NHS: variants seen among roughly 807,000 people sequenced by gnomAD.
NHS encodes the protein NHS actin remodeling regulator.
In NHS, 5 loss-of-function variants were observed where a neutral mutation model predicts 72.5. That is an observed-to-expected ratio of 0.07 (90% CI 0.04 to 0.14). The LOEUF is 0.14. NHS is among the 10% of genes least tolerant of loss of function. The pLI is 1.00. For synonymous variants in NHS, 464 were observed against 547.7 expected, an observed-to-expected ratio of 0.85 and a Z score of 2.13; for missense variants, 1,072 against 1,355.7, an observed-to-expected ratio of 0.79 and a Z score of 3.29.
chrX:17,385,276 G>A (rs1423822826), intron 1 of NHS, among the ~76,000 whole-genome samples: 1 of 111,853 alleles, frequency 8.9e-6, no homozygotes, highest in African/African-American at 3.3e-5. Flanking sequence ...AATTCTGGGA[G>A]GCCAAGGTGG....
intron 1 of NHS, among the ~76,000 whole-genome samples, chrX:17,436,093 T>G (rs2146879234): frequency 8.9e-6 from 1 of 112,329 alleles, no homozygotes; most frequent in East Asian, 2.8e-4. Flanking sequence ...AACCTTATGG[T>G]TTTATCATTC....
chrX:17,398,513 A>G (rs981714622), intron 1 of NHS, among the ~76,000 whole-genome samples: 2 of 112,478 alleles, frequency 1.8e-5, no homozygotes, highest in African/African-American at 6.5e-5. Flanking sequence ...CCTAAAAATC[A>G]GTGGCTTTAA....
chrX:17,697,382 A>C (rs1258167251), intron 3 of NHS, among the ~76,000 whole-genome samples: 1 of 112,148 alleles, frequency 8.9e-6, no homozygotes, highest in Non-Finnish European at 1.9e-5. Flanking sequence ...TGTGAAACAC[A>C]CCAAAGCCAC....
chrX:17,671,945 G>A (rs1469248390), intron 1 of NHS, among the ~76,000 whole-genome samples: 1 of 111,984 alleles, frequency 8.9e-6, no homozygotes, highest in Non-Finnish European at 1.9e-5. Context: ...AGATACCAAA[G>A]CACTGGAAGG....
chrX:17,669,246 G>A (rs1000957620), intron 1 of NHS, among the ~76,000 whole-genome samples: 1 of 112,037 alleles, frequency 8.9e-6, no homozygotes, highest in African/African-American at 3.2e-5. Context: ...TGCCTCAGAC[G>A]GAGATAGTGG....
chrX:17,515,604 T>C (rs1470954497), intron 1 of NHS, among the ~76,000 whole-genome samples: 10 of 112,194 alleles, frequency 8.9e-5, no homozygotes, highest in Non-Finnish European at 1.9e-4. Flanking sequence ...TATAGCCTGT[T>C]GAAGTCTGGA....
intron 3 of NHS, among the ~76,000 whole-genome samples, chrX:17,696,450 T>C (rs942024800): frequency 7.1e-5 from 8 of 112,193 alleles, no homozygotes; most frequent in African/African-American, 2.3e-4. Context: ...TGTGGTCAAA[T>C]TGAGAATGGC....
At chrX:17,382,092 C>T (rs2064380729) in intron 1 of NHS, among the ~76,000 whole-genome samples, 1 of 112,078 alleles carries the variant, frequency 8.9e-6, no homozygotes, top group Non-Finnish European at 1.9e-5. Context: ...GATGTTTGCT[C>T]ATTTTTATTT....
intron 1 of NHS, among the ~76,000 whole-genome samples, chrX:17,538,567 A>G (rs1258459352): frequency 1.8e-5 from 2 of 111,535 alleles, no homozygotes; most frequent in Non-Finnish European, 3.8e-5. Flanking sequence ...TTGCTCCCAG[A>G]GATGTTGAGT....
intron 1 of NHS, among the ~76,000 whole-genome samples, chrX:17,533,512 G>A (rs1391454235): frequency 6.3e-5 from 7 of 111,516 alleles, no homozygotes; most frequent in Admixed American, 1.9e-4. Context: ...CTTGAACTCC[G>A]GAGCTCAAGC....
intron 1 of NHS, among the ~76,000 whole-genome samples, chrX:17,439,469 A>G (rs2064741643): frequency 9.0e-6 from 1 of 111,591 alleles, no homozygotes; most frequent in African/African-American, 3.3e-5. Flanking sequence ...ATATATTTAT[A>G]TATTCCTAAG....
Position 17,726,021 on chromosome X carries a change from T to C in NHS, c.1915T>C (p.Ser639Pro). 2 of 1,211,515 alleles carry C rather than the reference T, an allele frequency of 1.7e-6. No homozygotes were observed. The highest frequency in any genetic ancestry group is 2.2e-6 in the Non-Finnish European group (2 of 895,432). Reference sequence around the variant, plus strand: ...CAGTGGCAACTGGAGTGGGAGCAGCTCCACGTGCCCCTCGCAGACCTCAGA... The same window carrying C: ...CAGTGGCAACTGGAGTGGGAGCAGCCCCACGTGCCCCTCGCAGACCTCAGA... ...SSSGNWSGSS[S>P]TCPSQTSETI... The change falls in exon 7 of 9, where the codon TCC (serine) becomes CCC (proline). Residue 639 changes from serine (S) to proline (P), a missense_variant. Coordinates refer to ENST00000676302, the MANE Select transcript of NHS (RefSeq NM_001291867.2).
chrX:17,590,055 ACTCT>A (rs1201818842), intron 1 of NHS, among the ~76,000 whole-genome samples: 1 of 111,248 alleles, frequency 9.0e-6, no homozygotes, highest in Non-Finnish European at 1.9e-5. Flanking sequence ...ATGAGAAATA[ACTCT>A]CTGTGTGTGT....
chrX:17,507,802 T>C (rs1335223693), intron 1 of NHS, among the ~76,000 whole-genome samples: 3 of 111,542 alleles, frequency 2.7e-5, no homozygotes, highest in Non-Finnish European at 5.6e-5. Flanking sequence ...TAGCCCTTTT[T>C]ATTAGGAGTC....
Position 17,726,176 on chromosome X carries a change from C to G in NHS, c.2070C>G (p.His690Gln). ...SVFVTEQYNDHLDKVRGHRAN... is the reference protein window; with the variant it reads ...SVFVTEQYNDQLDKVRGHRAN... ...TCGTGACAGAGCAATACAATGACCA[C>G]TTGGATAAAGTGAGAGGCCATCGGG... The change falls in exon 7 of 9, where the codon CAC becomes CAG. Residue 690 changes from histidine to glutamine, a missense_variant. Transcript: ENST00000676302. The G allele has an allele frequency of 8.2e-7, 1 of 1,212,183 alleles. No individual in the cohort carries two copies. The highest frequency in any genetic ancestry group is 1.8e-5 in the South Asian group (1 of 57,017).
intron 1 of NHS, among the ~76,000 whole-genome samples, chrX:17,530,502 A>G (rs986605159): frequency 1.8e-5 from 2 of 111,423 alleles, no homozygotes; most frequent in Non-Finnish European, 3.8e-5. Flanking sequence ...TGGTCCTTGG[A>G]CTAGCAGTAT....
chrX:17,683,229 G>C lies in NHS; in HGVS notation c.566-4513G>C, dbSNP rs187875578. Reference sequence around the variant, plus strand: ...TATCTGTTTGTGGTGTTGTCTTTCTGATATAATAGAACACATCTTCCCAAC... The same window carrying C: ...TATCTGTTTGTGGTGTTGTCTTTCTCATATAATAGAACACATCTTCCCAAC... On this transcript the variant is annotated intron_variant, in intron 1 of 8. Coordinates refer to ENST00000676302, the MANE Select transcript of NHS (RefSeq NM_001291867.2). Among the ~76,000 whole-genome samples the C allele has an allele frequency of 8.0e-5, 9 of 112,150 alleles. No individual in the cohort carries two copies. The East Asian group carries it at 2.5e-3, about 31-fold the overall frequency.
intron 1 of NHS, among the ~76,000 whole-genome samples, chrX:17,545,895 T>A (rs1397480559): frequency 8.9e-6 from 1 of 112,250 alleles, no homozygotes; most frequent in Non-Finnish European, 1.9e-5. Flanking sequence ...ACATGCCAAT[T>A]ATTTTAACAG....
At chrX:17,601,277 C>T (rs2065648158) in intron 1 of NHS, among the ~76,000 whole-genome samples, 1 of 111,809 alleles carries the variant, frequency 8.9e-6, no homozygotes, top group African/African-American at 3.3e-5. Flanking sequence ...GAGAAATGGA[C>T]ATTGTGTTTC....
Sources: gnomAD v4.1 joint callset for allele counts (sites outside exome capture counted in the v4.1 genomes callset) on GRCh38, gnomAD v4.1.1 for gene constraint, MANE v1.5 for transcripts, NCBI Gene and HGNC (gene_info 2026-07-23, HGNC 2026-07-21) for gene names.